FAXDC2: variants seen among roughly 807,000 people sequenced by gnomAD.
FAXDC2 encodes the protein fatty acid hydroxylase domain-containing protein 2.
Under a neutral mutation model 40.9 loss-of-function variants are expected in FAXDC2, and 41 were observed. The ratio of observed to expected loss-of-function variants is 1.00; its 90% CI spans 0.78 to 1.30. The LOEUF is 1.30. Ranked by LOEUF, FAXDC2 falls within the 50% of genes most tolerant of loss-of-function variation. The pLI is 0.00. For missense variants in FAXDC2, 390 were observed against 408.8 expected, an observed-to-expected ratio of 0.95 and a Z score of 0.40; for synonymous variants, 157 against 149.3, an observed-to-expected ratio of 1.05 and a Z score of -0.38.
intron 6 of FAXDC2, chr5:154,823,164 A>G: frequency 1.9e-6 from 1 of 531,730 alleles, no homozygotes; most frequent in East Asian, 3.3e-5. Context: ...AGTACACACC[A>G]CCATGCCTGG....
chr5:154,833,295 C>T (rs1760238264), intron 4 of FAXDC2, among the ~76,000 whole-genome samples: 1 of 151,830 alleles, frequency 6.6e-6, no homozygotes, highest in Non-Finnish European at 1.5e-5. Flanking sequence ...CCTCAGCCTC[C>T]CAAAGTGCTG....
intron 8 of FAXDC2, 198 bp from the exon 9 acceptor site, chr5:154,820,670 CCGTA>C: frequency 4.1e-6 from 2 of 483,280 alleles, no homozygotes; most frequent in Non-Finnish European, 7.5e-6. Flanking sequence ...CTGCAATTTG[CCGTA>C]TCTGGAGTCC....
intron 4 of FAXDC2, among the ~76,000 whole-genome samples, chr5:154,833,654 C>G (rs993148735): frequency 1.3e-5 from 2 of 151,240 alleles, no homozygotes; most frequent in East Asian, 3.9e-4. Context: ...GTGCCCAGCC[C>G]CATCTTAAAT....
In FAXDC2 at chr5:154,839,937, C is replaced by A. The variant is rs181870359; in HGVS notation, c.1-1759G>T. 3.2e-3 allele frequency among the ~76,000 whole-genome samples: 484 copies of A among 152,230 alleles called. 3 individuals are homozygous for A. The highest frequency in any genetic ancestry group is 0.011 in the African/African-American group (471 of 41,538). ...GTCCAGAGAAGCTAGCACATGTTAT[C>A]CCACTGGCCATCCCTATTAGATAGT... On this transcript the variant is annotated intron_variant, in intron 1 of 8. Transcript: ENST00000326080.
chr5:154,820,342 G>A lies in FAXDC2; in HGVS notation c.976C>T (p.Pro326Ser). ...LGFTPLSESI[P>S]DSPKRME ...CACTCCATCCTCTTTGGGGAGTCTG[G>A]GATGCTCTCAGAGAGCGGGGTGAAG... The change falls in exon 9 of 9, where the codon CCA becomes TCA. Residue 326 changes from proline to serine, a missense_variant. By Grantham distance (74) the Pro-to-Ser change is moderately conservative (BLOSUM62 -1). Coordinates refer to ENST00000326080, the MANE Select transcript of FAXDC2 (RefSeq NM_032385.5). The A allele has an allele frequency of 6.2e-7, 1 of 1,612,454 alleles. No homozygotes were observed. Among genetic ancestry groups the A allele is most frequent in the South Asian group, 1.1e-5 (1 of 90,900 alleles).
chr5:154,826,254 G>A (rs184739178), intron 5 of FAXDC2, among the ~76,000 whole-genome samples: 50 of 152,234 alleles, frequency 3.3e-4, no homozygotes, highest in Middle Eastern at 3.4e-3. Flanking sequence ...GGAGCCGGGC[G>A]CGGTGGCTCA....
intron 1 of FAXDC2, among the ~76,000 whole-genome samples, chr5:154,847,126 C>T (rs767202187): frequency 4.6e-5 from 7 of 151,736 alleles, no homozygotes; most frequent in East Asian, 1.9e-4. Flanking sequence ...ACCATGCCGG[C>T]GAATTTTTAA....
chr5:154,832,493 G>A (rs749715459), intron 4 of FAXDC2, among the ~76,000 whole-genome samples: 9 of 151,964 alleles, frequency 5.9e-5, no homozygotes, highest in African/African-American at 1.7e-4. Flanking sequence ...GAGCCACTGC[G>A]CCTGGCCCAT....
intron 5 of FAXDC2, among the ~76,000 whole-genome samples, chr5:154,825,953 G>C (rs1760023526): frequency 6.6e-6 from 1 of 152,038 alleles, no homozygotes; most frequent in Non-Finnish European, 1.5e-5. Context: ...ATGCTCTTTT[G>C]GACATCATGA....
At chr5:154,847,630 G>A (rs562323355) in intron 1 of FAXDC2, among the ~76,000 whole-genome samples, 1 of 151,162 alleles carries the variant, frequency 6.6e-6, no homozygotes, top group East Asian at 2.0e-4. Flanking sequence ...TGGGATTACA[G>A]GCACCCACCC....
In FAXDC2 at chr5:154,818,766, AC is replaced by A. The variant is rs1759798251; in HGVS notation, c.*1549del. ...TATCTGTTCTTTCTCCTTATCTCCT[AC>A]CCTTCTCTTTAAGCATATTGAAGAT... On this transcript the variant is annotated 3_prime_UTR_variant, in exon 9 of 9. Transcript: ENST00000326080. 6.6e-6 allele frequency: 1 copy of A among 152,170 alleles called. No homozygotes were observed. The highest frequency in any genetic ancestry group is 2.1e-4 in the South Asian group (1 of 4,826). 9.4% of individuals were successfully genotyped at this position (152,170 alleles called of 1,614,324 possible).
intron 1 of FAXDC2, among the ~76,000 whole-genome samples, chr5:154,849,178 G>A (rs944967143): frequency 2.6e-5 from 4 of 151,946 alleles, no homozygotes; most frequent in Admixed American, 6.6e-5. Flanking sequence ...TACTTGGGGG[G>A]CTGAGGCAGG....
At chr5:154,825,584 G>C (rs1760007862) in intron 5 of FAXDC2, among the ~76,000 whole-genome samples, 1 of 140,054 alleles carries the variant, frequency 7.1e-6, no homozygotes, top group Non-Finnish European at 1.5e-5. Context: ...TTGAACCCGG[G>C]AGGTTGCAGT....
chr5:154,822,287 A>G (rs148858880), intron 7 of FAXDC2, 185 bp downstream of exon 7: 10,011 of 588,266 alleles, frequency 0.017, 137 homozygotes, highest in Non-Finnish European at 0.025. Context: ...TGTTGGGATG[A>G]TTAAATGAGA....
chr5:154,826,529 A>G (rs1245797045), intron 5 of FAXDC2, among the ~76,000 whole-genome samples: 1 of 116,086 alleles, frequency 8.6e-6, no homozygotes, highest in Non-Finnish European at 1.8e-5. Context: ...ACTGTCTCTA[A>G]AAAAAAAAAA....
At chr5:154,850,099 AG>A (rs1760694019) in intron 1 of FAXDC2, among the ~76,000 whole-genome samples, 1 of 152,228 alleles carries the variant, frequency 6.6e-6, no homozygotes, top group African/African-American at 2.4e-5. Flanking sequence ...AGTCTCTTCC[AG>A]TTTGTTCTGC....
chr5:154,829,316 C>T (rs1231533471), intron 5 of FAXDC2: 1 of 152,268 alleles, frequency 6.6e-6, no homozygotes, highest in Non-Finnish European at 1.5e-5. Context: ...CATAGGAACA[C>T]CAGGTAGCAT....
At position 154,818,816 on chromosome 5, in the gene FAXDC2, T is replaced by C. The variant is rs1303993920; in HGVS notation, c.*1500A>G. ...ATGGACTTTTTTCCAAATGTTTATTTGTAGGAAGAGGTGATGAGTGCAGGC... is the reference window on the plus strand; with the variant it reads ...ATGGACTTTTTTCCAAATGTTTATTCGTAGGAAGAGGTGATGAGTGCAGGC... On this transcript the variant is annotated 3_prime_UTR_variant, in exon 9 of 9. Transcript: ENST00000326080. 1.3e-5 allele frequency: 2 copies of C among 152,270 alleles called. No homozygotes were observed. The highest frequency in any genetic ancestry group is 4.8e-5 in the African/African-American group (2 of 41,464). The allele number at this position is 152,270 out of a possible 1,614,324, so 9.4% of individuals were successfully genotyped here. A position where few individuals can be genotyped will look rare whatever the true frequency, so the allele number is the denominator to read the frequency against.
chr5:154,836,535 G>A (rs1470505443), intron 2 of FAXDC2, among the ~76,000 whole-genome samples: 1 of 152,206 alleles, frequency 6.6e-6, no homozygotes, highest in Non-Finnish European at 1.5e-5. Context: ...GGAAAGAACT[G>A]GAGGTGGTGG....
Sources: gnomAD v4.1 joint callset for allele counts (sites outside exome capture counted in the v4.1 genomes callset) on GRCh38, gnomAD v4.1.1 for gene constraint, MANE v1.5 for transcripts, NCBI Gene and HGNC (gene_info 2026-07-23, HGNC 2026-07-21) for gene names.